The following AHR variants were observed in gnomAD, a reference collection of about 807,000 sequenced individuals.
AHR encodes the protein aryl hydrocarbon receptor.
Under a neutral mutation model 86.8 loss-of-function variants are expected in AHR, and 40 were observed. That is an observed-to-expected ratio of 0.46 (90% confidence interval 0.36 to 0.60). The LOEUF (loss-of-function observed/expected upper bound fraction) is 0.60, where lower values mean the gene tolerates loss of function less well. Among genes scored for constraint, AHR ranks in the 20% least tolerant of loss-of-function variants. AHR has a pLI of 0.00. For synonymous variants in AHR, 398 were observed against 354.9 expected (o/e 1.12, Z -1.37); for missense variants, 1,001 against 1,011.6 (o/e 0.99, Z 0.14).
intron 2 of AHR, among the ~76,000 whole-genome samples, chr7:17,316,285 G>T (rs1782114489): frequency 6.6e-6 from 1 of 152,112 alleles, no homozygotes; most frequent in South Asian, 2.1e-4. Context: ...TGTCCATAGA[G>T]GCCAAAAAGC....
In AHR at chr7:17,345,847, G is replaced by T. The variant is rs546051465; in HGVS notation, c.*2783G>T. On this transcript the variant is annotated 3_prime_UTR_variant, in exon 11 of 11. Transcript: ENST00000242057. The stretch of plus-strand genomic sequence containing the variant: ...TGCTACATTGTGGGATTTATTTCTA[G>T]ATGATGTGCACATCTAAGGATATGG... 5 of 152,468 alleles carry T rather than the reference G, an allele frequency of 3.3e-5. No individual in the cohort carries two copies. In the South Asian group the frequency reaches 1.0e-3, roughly 32 times the overall value. The allele number at this position is 152,468 out of a possible 1,614,324, so 9.4% of individuals were successfully genotyped here. A position where few individuals can be genotyped will look rare whatever the true frequency, so the allele number is the denominator to read the frequency against.
chr7:17,299,110 C>T lies in AHR; in HGVS notation c.-155C>T, dbSNP rs1218525939. The T allele has an allele frequency of 5.4e-6, 4 of 742,074 alleles. No individual in the cohort carries two copies. The highest frequency in any genetic ancestry group is 1.9e-5 in the African/African-American group (1 of 53,014). The allele number at this position is 742,074 out of a possible 1,614,324, so 46.0% of individuals were successfully genotyped here. ...CTGCGTGAGCCGAGGCGTTGAGGCG[C>T]GGCGCCCACGCCACTGTCCCGAGAG... is the stretch of plus-strand genomic sequence containing the variant. On this transcript the variant is annotated 5_prime_UTR_variant, in exon 1 of 11. Transcript: ENST00000242057.
At chr7:17,310,178 A>G (rs967934625) in intron 2 of AHR, 55 bp downstream of exon 2, 2 of 1,469,062 alleles carry the variant, frequency 1.4e-6, no homozygotes, top group Middle Eastern at 2.2e-4. Context: ...TACTTGTACT[A>G]GATATAGCTG....
At position 17,299,112 on chromosome 7, in the gene AHR, G is replaced by A. The variant is rs1244584994; in HGVS notation, c.-153G>A. On this transcript the variant is annotated 5_prime_UTR_variant, in exon 1 of 11. Transcript: ENST00000242057. ...GCGTGAGCCGAGGCGTTGAGGCGCGGCGCCCACGCCACTGTCCCGAGAGGA... is the reference window on the plus strand; with the variant it reads ...GCGTGAGCCGAGGCGTTGAGGCGCGACGCCCACGCCACTGTCCCGAGAGGA... The A allele has an allele frequency of 1.7e-5, 13 of 759,188 alleles. No individual in the cohort carries two copies. Among genetic ancestry groups the A allele is most frequent in the Non-Finnish European group, 2.5e-5 (13 of 513,860 alleles). The allele number at this position is 759,188 out of a possible 1,614,324, so 47.0% of individuals were successfully genotyped here.
intron 10 of AHR, among the ~76,000 whole-genome samples, chr7:17,341,236 G>C (rs533190806): frequency 5.9e-5 from 9 of 152,038 alleles, no homozygotes; most frequent in Middle Eastern, 6.8e-3. Context: ...CATTTTGCTT[G>C]TCTAATCGTA....
chr7:17,339,727 A>G lies in AHR; in HGVS notation c.1902A>G (p.Pro634=), dbSNP rs1370705419. 3 of 1,614,102 alleles carry G rather than the reference A, an allele frequency of 1.9e-6. No individual in the cohort carries two copies. Among genetic ancestry groups the G allele is most frequent in the African/African-American group, 1.3e-5 (1 of 74,940 alleles). ...ACCAAAAGCAAGTAGTAGTGGAGCC[A>G]CAGCAACAGCTGTGTCAGAAGATGA... is the stretch of plus-strand genomic sequence containing the variant. ...QHHQKQVVVE[P]QQQLCQKMKH... is the part of the protein sequence containing the mutation. The change falls in exon 10 of 11, where the codon CCA becomes CCG. Residue 634 remains proline, a synonymous_variant. Coordinates refer to ENST00000242057, the MANE Select transcript of AHR (RefSeq NM_001621.5).
intron 1 of AHR, among the ~76,000 whole-genome samples, chr7:17,304,952 A>G (rs974468247): frequency 2.0e-5 from 3 of 152,114 alleles, no homozygotes; most frequent in Non-Finnish European, 4.4e-5. Context: ...GGAAACAATG[A>G]GTTTTCCAGG....
intron 7 of AHR, 38 bp downstream of exon 7, chr7:17,334,152 A>G (rs1468708085): frequency 6.5e-7 from 1 of 1,536,284 alleles, no homozygotes; most frequent in Non-Finnish European, 9.0e-7. Flanking sequence ...TATTGGATGT[A>G]CATTATGTTT....
At chr7:17,331,211 G>A (rs987475321) in intron 6 of AHR, among the ~76,000 whole-genome samples, 10 of 151,838 alleles carry the variant, frequency 6.6e-5, no homozygotes, top group African/African-American at 1.2e-4. Flanking sequence ...TAGGCTTTCC[G>A]TTAGCTTATA....
chr7:17,327,450 CTA>C (rs1782241108), intron 3 of AHR, among the ~76,000 whole-genome samples: 1 of 151,752 alleles, frequency 6.6e-6, no homozygotes, highest in South Asian at 2.1e-4. Context: ...TGAATGATGT[CTA>C]GTTTGTTTTT....
rs184888758 is a variant in AHR at position 17,322,222 on chromosome 7, A to G, written c.254-279A>G. On this transcript the variant is annotated intron_variant, in intron 2 of 10. Transcript: ENST00000242057. ...TGAAACTCCTAAGTTTTGTGACAAA[A>G]TTATATCGTGAACTCATCAAAAATT... is the stretch of plus-strand genomic sequence containing the variant. 1.9e-3 allele frequency among the ~76,000 whole-genome samples: 286 copies of G among 152,122 alleles called. 3 individuals carry two copies. The highest frequency in any genetic ancestry group is 6.4e-3 in the African/African-American group (268 of 41,560).
rs1181659322 is a variant in AHR at position 17,335,649 on chromosome 7, T to C, written c.1023T>C (p.Ile341=). Residue 341 remains isoleucine, a synonymous_variant, in exon 9 of 11, where the codon ATT becomes ATC. Transcript: ENST00000242057. ...LYCAESHIRM[I]KTGESGMIVF... ...AATTTTTTAATTTTATTTTAGTGAT[T>C]AAGACTGGAGAAAGTGGCATGATAG... 1.3e-6 allele frequency: 2 copies of C among 1,559,076 alleles called. No individual in the cohort carries two copies. Among genetic ancestry groups the C allele is most frequent in the East Asian group, 4.8e-5 (2 of 41,602 alleles).
intron 1 of AHR, among the ~76,000 whole-genome samples, chr7:17,304,914 T>C (rs1781990296): frequency 1.3e-5 from 2 of 152,070 alleles, no homozygotes. Flanking sequence ...GGAATAAAAA[T>C]GTGTGTTTGC....
chr7:17,304,037 T>A (rs1278350235), intron 1 of AHR, among the ~76,000 whole-genome samples: 1 of 152,178 alleles, frequency 6.6e-6, no homozygotes, highest in Non-Finnish European at 1.5e-5. Context: ...GTCCTTTACG[T>A]ATTCATTTGT....
chr7:17,322,131 CT>C (rs1782180875), intron 2 of AHR, among the ~76,000 whole-genome samples: 1 of 151,834 alleles, frequency 6.6e-6, no homozygotes, highest in Non-Finnish European at 1.5e-5. Context: ...TTATGGAGAA[CT>C]TTAGTCTCCT....
intron 6 of AHR, among the ~76,000 whole-genome samples, chr7:17,332,437 C>G (rs1012824155): frequency 6.6e-6 from 1 of 151,540 alleles, no homozygotes; most frequent in African/African-American, 2.4e-5. Context: ...TGTTATTGCC[C>G]CCGCAGACCT....
At chr7:17,340,693 T>C (rs772612698) in intron 10 of AHR, among the ~76,000 whole-genome samples, 10 of 152,188 alleles carry the variant, frequency 6.6e-5, no homozygotes, top group Non-Finnish European at 1.5e-4. Flanking sequence ...AAACTCAAAT[T>C]TAAGTGTGCT....
At chr7:17,336,809 T>C (rs1331048974) in intron 9 of AHR, among the ~76,000 whole-genome samples, 3 of 152,134 alleles carry the variant, frequency 2.0e-5, no homozygotes, top group Admixed American at 6.5e-5. Flanking sequence ...AGAAGGCACT[T>C]TTTTTAATTA....
At chr7:17,341,043 T>G (rs888455173) in intron 10 of AHR, among the ~76,000 whole-genome samples, 1 of 152,210 alleles carries the variant, frequency 6.6e-6, no homozygotes, top group African/African-American at 2.4e-5. Flanking sequence ...ACATCATGTT[T>G]GCATTTATGC....
Sources: gnomAD v4.1 joint callset for allele counts (sites outside exome capture counted in the v4.1 genomes callset) on GRCh38, gnomAD v4.1.1 for gene constraint, MANE v1.5 for transcripts, NCBI Gene and HGNC (gene_info 2026-07-23, HGNC 2026-07-21) for gene names.